Variants in SEMA6D observed in about 807,000 individuals in gnomAD.
The protein encoded by SEMA6D is semaphorin 6D.
A neutral mutation model predicts 106.6 loss-of-function variants in SEMA6D; 35 were observed. That is an observed-to-expected ratio of 0.33 (90% CI 0.25 to 0.44). The LOEUF (loss-of-function observed/expected upper bound fraction) is 0.44, where lower values mean the gene tolerates loss of function less well. SEMA6D is among the 20% of genes least tolerant of loss of function. The pLI, the probability that SEMA6D is intolerant of heterozygous loss-of-function variation, is 1.00. For missense variants in SEMA6D, 1,185 were observed against 1,345.9 expected, an observed-to-expected ratio of 0.88 and a Z score of 1.87; for synonymous variants, 499 against 487.7, an observed-to-expected ratio of 1.02 and a Z score of -0.31.
chr15:47,628,186 A>G (rs1349730212), intron 4 of SEMA6D, among the ~76,000 whole-genome samples: 1 of 152,054 alleles, frequency 6.6e-6, no homozygotes, highest in African/African-American at 2.4e-5. Context: ...TATAAATAAA[A>G]CTATTATAAT....
chr15:47,358,841 A>G (rs2038692419), intron 1 of SEMA6D, among the ~76,000 whole-genome samples: 1 of 152,122 alleles, frequency 6.6e-6, no homozygotes, highest in African/African-American at 2.4e-5. Context: ...TTATGAGATT[A>G]TTTTCAATTT....
At chr15:47,767,140 C>A in intron 17 of SEMA6D, 47 bp downstream of exon 17, 2 of 1,312,074 alleles carry the variant, frequency 1.5e-6, no homozygotes, top group Non-Finnish European at 1.1e-6. Flanking sequence ...TTCTTTCCTT[C>A]AGTTCAGCAT....
At chr15:47,348,723 CACACAGAGAGAG>C (rs2038173858) in intron 1 of SEMA6D, among the ~76,000 whole-genome samples, 5 of 45,660 alleles carry the variant, frequency 1.1e-4, no homozygotes, top group African/African-American at 2.8e-4. Context: ...ACACACCACA[CACACAGAGAGAG>C]AGAGAGAGAG....
chr15:47,439,860 C>T (rs1331832943), intron 2 of SEMA6D, among the ~76,000 whole-genome samples: 1 of 152,006 alleles, frequency 6.6e-6, no homozygotes, highest in East Asian at 1.9e-4. Flanking sequence ...TCACAACTGC[C>T]AAGAGGAATT....
chr15:47,750,035 C>G (rs1224339008), intron 1 of SEMA6D, among the ~76,000 whole-genome samples: 2 of 151,944 alleles, frequency 1.3e-5, no homozygotes, highest in Non-Finnish European at 2.9e-5. Context: ...GTGGTTGATG[C>G]ATAGTCATTA....
chr15:47,284,488 G>A (rs1469611317), intron 1 of SEMA6D, among the ~76,000 whole-genome samples: 1 of 152,130 alleles, frequency 6.6e-6, no homozygotes, highest in Admixed American at 6.6e-5. Context: ...GTAAATGATT[G>A]TGCTGCATGA....
intron 1 of SEMA6D, among the ~76,000 whole-genome samples, chr15:47,390,695 A>T (rs996203545): frequency 6.6e-6 from 1 of 152,182 alleles, no homozygotes; most frequent in African/African-American, 2.4e-5. Flanking sequence ...TTTAACTTAA[A>T]TATCGATTCC....
At chr15:47,678,496 A>G (rs1383884426) in intron 4 of SEMA6D, among the ~76,000 whole-genome samples, 5 of 152,170 alleles carry the variant, frequency 3.3e-5, no homozygotes. Context: ...TCCTTACATC[A>G]ACACTATGAT....
chr15:47,185,836 G>A (rs960292739), intron 1 of SEMA6D: 1 of 152,054 alleles, frequency 6.6e-6, no homozygotes, highest in Non-Finnish European at 1.5e-5. Context: ...TGTTCATGGT[G>A]CCTATTCCTT....
At chr15:47,749,791 C>T (rs1245035825) in intron 1 of SEMA6D, among the ~76,000 whole-genome samples, 2 of 152,078 alleles carry the variant, frequency 1.3e-5, no homozygotes, top group Admixed American at 1.3e-4. Flanking sequence ...AGGTAAGTGT[C>T]ATGTGAGCAC....
chr15:47,279,002 T>C (rs1362508258), intron 1 of SEMA6D, among the ~76,000 whole-genome samples: 1 of 140,068 alleles, frequency 7.1e-6, no homozygotes, highest in Non-Finnish European at 1.5e-5. Flanking sequence ...TACCATGCTG[T>C]TTTGGTTACT....
chr15:47,291,937 A>G (rs1355583819), intron 1 of SEMA6D, among the ~76,000 whole-genome samples: 1 of 152,222 alleles, frequency 6.6e-6, no homozygotes, highest in Non-Finnish European at 1.5e-5. Context: ...GCGTGAAATC[A>G]AGTTAACATG....
chr15:47,382,008 G>A (rs2039654867), intron 1 of SEMA6D, among the ~76,000 whole-genome samples: 1 of 152,124 alleles, frequency 6.6e-6, no homozygotes, highest in Admixed American at 6.5e-5. Context: ...TAAATGTTCT[G>A]AGGTTATTTT....
intron 1 of SEMA6D, among the ~76,000 whole-genome samples, chr15:47,310,624 G>A (rs937534277): frequency 2.0e-5 from 3 of 151,982 alleles, no homozygotes; most frequent in Non-Finnish European, 2.9e-5. Context: ...TATAGTGATA[G>A]TGTTATTGTT....
chr15:47,571,087 T>C (rs2046368878), intron 3 of SEMA6D, among the ~76,000 whole-genome samples: 1 of 151,988 alleles, frequency 6.6e-6, no homozygotes, highest in Non-Finnish European at 1.5e-5. Flanking sequence ...TCCCCACTCT[T>C]CTCCTGCCTG....
chr15:47,723,970 C>T (rs568696312), intron 1 of SEMA6D, among the ~76,000 whole-genome samples: 112 of 152,278 alleles, frequency 7.4e-4, no homozygotes, highest in South Asian at 4.6e-3. Context: ...CCAGAGCAGA[C>T]GAAGCTCTTT....
intron 1 of SEMA6D, among the ~76,000 whole-genome samples, chr15:47,305,344 T>G (rs888129175): frequency 2.6e-5 from 4 of 152,156 alleles, no homozygotes. Context: ...CACGAAATGA[T>G]TAGGAATATC....
chr15:47,380,895 A>G (rs756857961), intron 1 of SEMA6D, among the ~76,000 whole-genome samples: 8 of 152,262 alleles, frequency 5.3e-5, no homozygotes, highest in Non-Finnish European at 1.0e-4. Context: ...AAGCAACTCT[A>G]GAGCTTCCAG....
At chr15:47,309,712 T>C (rs1348107120) in intron 1 of SEMA6D, among the ~76,000 whole-genome samples, 1 of 152,194 alleles carries the variant, frequency 6.6e-6, no homozygotes, top group Non-Finnish European at 1.5e-5. Flanking sequence ...TAACCTAGCC[T>C]ACCTTAAGCA....
Sources: gnomAD v4.1 joint callset for allele counts (sites outside exome capture counted in the v4.1 genomes callset) on GRCh38, gnomAD v4.1.1 for gene constraint, MANE v1.5 for transcripts, NCBI Gene and HGNC (gene_info 2026-07-23, HGNC 2026-07-21) for gene names.